PDE8B: variants seen among roughly 807,000 people sequenced by gnomAD.
PDE8B encodes the protein high affinity cAMP-specific and IBMX-insensitive 3',5'-cyclic phosphodiesterase 8B.
A neutral mutation model predicts 101.3 loss-of-function variants in PDE8B; 26 were observed. That is an observed-to-expected ratio of 0.26 (90% CI 0.19 to 0.36). PDE8B has a LOEUF of 0.36. Ranked by LOEUF, PDE8B falls within the 10% of genes least tolerant of loss-of-function variation. The pLI, the probability that PDE8B is intolerant of heterozygous loss-of-function variation, is 1.00. For synonymous variants in PDE8B, 424 were observed against 429.3 expected (o/e 0.99, Z 0.15); for missense variants, 810 against 1,163.1 (o/e 0.70, Z 4.42).
chr5:77,143,236 TC>T, the PDE8B span, among the ~76,000 whole-genome samples: 2 of 152,230 alleles, frequency 1.3e-5, no homozygotes, highest in Non-Finnish European at 2.9e-5. Context: ...GAACTCCTGT[TC>T]TTGAAATTCA....
rs965575592 is a variant in PDE8B, at chr5:77,424,109, A to G, written c.2419-1658A>G. Among the ~76,000 whole-genome samples, 6 of 152,174 alleles carry G rather than the reference A, an allele frequency of 3.9e-5. No individual in the cohort carries two copies. In the South Asian group the frequency reaches 1.2e-3, roughly 32 times the overall value. ...CAGAGAGAAGAACAGGAAGGGAGTG[A>G]GGATCAAATGACTCCTTGAACACCA... On this transcript the variant is annotated intron_variant, in intron 20 of 21. Coordinates refer to ENST00000264917, the MANE Select transcript of PDE8B (RefSeq NM_003719.5).
At position 77,404,776 on chromosome 5, in the gene PDE8B, A is replaced by T; in HGVS notation, c.1267A>T (p.Ile423Leu). ...GAAAGAGTCCATTGACGTGAAATCG[A>T]TATCATCTCGAGGCAGTGATGGTAA... ...RRKESIDVKS[I>L]SSRGSDAPSL... is the part of the protein sequence containing the mutation. The change falls in exon 12 of 22, where the codon ATA becomes TTA. Residue 423 changes from isoleucine to leucine, a missense_variant. By Grantham distance (5) the Ile-to-Leu change is conservative (BLOSUM62 2). Around this residue, in one of 4 missense-constraint regions of PDE8B, gnomAD observed 75 missense variants for 76.9 expected, o/e 0.98. Transcript: ENST00000264917. 1.2e-6 allele frequency: 2 copies of T among 1,602,046 alleles called. No homozygotes were observed. The highest frequency in any genetic ancestry group is 1.7e-6 in the Non-Finnish European group (2 of 1,169,090).
At chr5:77,408,045 C>T (rs942524435) in intron 13 of PDE8B, among the ~76,000 whole-genome samples, 23 of 152,150 alleles carry the variant, frequency 1.5e-4, no homozygotes, top group Non-Finnish European at 3.4e-4. Context: ...GAAAAGAACA[C>T]CCAGCTTCTG....
the PDE8B span, among the ~76,000 whole-genome samples, chr5:77,133,747 A>G: frequency 1.3e-5 from 2 of 152,192 alleles, no homozygotes; most frequent in African/African-American, 4.8e-5. Flanking sequence ...AGCTAGTTGT[A>G]TTTAGCTGCA....
chr5:77,220,527 A>G (rs760730182), intron 1 of PDE8B, among the ~76,000 whole-genome samples: 16 of 152,232 alleles, frequency 1.1e-4, no homozygotes, highest in Non-Finnish European at 2.1e-4. Flanking sequence ...TATGCAGACT[A>G]TATGACAAAC....
chr5:77,103,427 G>A, the PDE8B span, among the ~76,000 whole-genome samples: 1 of 151,986 alleles, frequency 6.6e-6, no homozygotes, highest in African/African-American at 2.4e-5. Flanking sequence ...CTCTCAATTC[G>A]GATATGACAC....
At chr5:77,292,209 C>A (rs1767524943) in intron 1 of PDE8B, among the ~76,000 whole-genome samples, 1 of 152,062 alleles carries the variant, frequency 6.6e-6, no homozygotes, top group Non-Finnish European at 1.5e-5. Flanking sequence ...TGCTGGGGTG[C>A]ATCTTGTCAC....
rs571792787 is a variant in PDE8B, at chr5:77,241,268, T to G, written c.339+30004T>G. On this transcript the variant is annotated intron_variant, in intron 1 of 21. Transcript: ENST00000264917. Reference sequence around the variant, plus strand: ...ATAGTCAAATATGTATTCAAATGCTTTGACTACTGGAGATATCATAGTTCA... The same window carrying G: ...ATAGTCAAATATGTATTCAAATGCTGTGACTACTGGAGATATCATAGTTCA... 2.6e-5 allele frequency among the ~76,000 whole-genome samples: 4 copies of G among 152,334 alleles called. No individual in the cohort carries two copies. In the South Asian group the frequency reaches 8.3e-4, roughly 32 times the overall value.
At chr5:77,328,694 G>A (rs1441619873) in intron 3 of PDE8B, among the ~76,000 whole-genome samples, 1 of 152,202 alleles carries the variant, frequency 6.6e-6, no homozygotes, top group Non-Finnish European at 1.5e-5. Context: ...GTTTTGAAGA[G>A]TGGAGTTTCA....
At position 77,250,243 on chromosome 5, in the gene PDE8B, G is replaced by A. The variant is rs532977665; in HGVS notation, c.339+38979G>A. Among the ~76,000 whole-genome samples, 337 of 152,228 alleles carry A rather than the reference G, an allele frequency of 2.2e-3. 1 individual carries two copies. The highest frequency in any genetic ancestry group is 7.4e-3 in the African/African-American group (309 of 41,530). On this transcript the variant is annotated intron_variant, in intron 1 of 21. Transcript: ENST00000264917. ...TAGAGAGTATCATTTACATTTTTAC[G>A]AATTAAGAAATAGAGTTGTTAACTT...
chr5:77,128,289 C>T, the PDE8B span, among the ~76,000 whole-genome samples: 3 of 152,186 alleles, frequency 2.0e-5, no homozygotes. Flanking sequence ...GAAAAACGTT[C>T]TTCTCTTACA....
chr5:77,352,132 G>C (rs1384543724), intron 9 of PDE8B, among the ~76,000 whole-genome samples: 1 of 152,112 alleles, frequency 6.6e-6, no homozygotes, highest in African/African-American at 2.4e-5. Flanking sequence ...CTGGATGATG[G>C]GGGCACTGAC....
At chr5:77,225,343 G>A (rs934290486) in intron 1 of PDE8B, among the ~76,000 whole-genome samples, 4 of 152,186 alleles carry the variant, frequency 2.6e-5, no homozygotes, top group African/African-American at 9.6e-5. Flanking sequence ...AATATTAGAT[G>A]TGTCATAGTC....
At chr5:77,398,938 C>T (rs906510396) in intron 10 of PDE8B, among the ~76,000 whole-genome samples, 36 of 152,194 alleles carry the variant, frequency 2.4e-4, no homozygotes, top group African/African-American at 8.4e-4. Flanking sequence ...CCCCAAAGTC[C>T]GAGGAAGCTG....
intron 6 of PDE8B, among the ~76,000 whole-genome samples, chr5:77,341,272 G>A (rs1010843688): frequency 3.3e-5 from 5 of 152,148 alleles, no homozygotes; most frequent in Admixed American, 6.5e-5. Context: ...GGGGGCAGGG[G>A]TGGGAAATAG....
intron 1 of PDE8B, among the ~76,000 whole-genome samples, chr5:77,216,484 C>G (rs906837381): frequency 8.5e-5 from 13 of 152,290 alleles, no homozygotes; most frequent in South Asian, 4.1e-4. Context: ...TATTCACTAT[C>G]ATGAGAACAG....
chr5:77,093,796 T>G, the PDE8B span, among the ~76,000 whole-genome samples: 1 of 151,942 alleles, frequency 6.6e-6, no homozygotes, highest in African/African-American at 2.4e-5. Flanking sequence ...CAGTGTTTTC[T>G]CTGTAGGATC....
At chr5:77,201,075 C>A in the PDE8B span, among the ~76,000 whole-genome samples, 2 of 152,208 alleles carry the variant, frequency 1.3e-5, no homozygotes, top group Admixed American at 6.5e-5. Flanking sequence ...GGCCTTCAGG[C>A]AGAGCTGCAG....
intron 11 of PDE8B, among the ~76,000 whole-genome samples, chr5:77,402,333 G>A (rs1317545818): frequency 6.6e-6 from 1 of 151,970 alleles, no homozygotes; most frequent in Non-Finnish European, 1.5e-5. Context: ...TAAAAATTAG[G>A]AAAAGAGATA....
Sources: allele counts gnomAD v4.1 joint callset (sites outside exome capture counted in the v4.1 genomes callset), GRCh38; gene constraint gnomAD v4.1.1; regional missense constraint gnomAD v4.1.1; transcripts MANE v1.5; gene names NCBI Gene and HGNC (gene_info 2026-07-23, HGNC 2026-07-21).